RGS13: variants seen among roughly 807,000 people sequenced by gnomAD.
RGS13 encodes the protein regulator of G protein signaling 13.
In RGS13, 14 loss-of-function variants were observed where a neutral mutation model predicts 19.9. That is an observed-to-expected ratio of 0.70 (90% CI 0.46 to 1.10). The LOEUF (loss-of-function observed/expected upper bound fraction) is 1.10, where lower values mean the gene tolerates loss of function less well. Ranked by LOEUF, RGS13 falls within the 50% of genes least tolerant of loss-of-function variation. The probability of loss-of-function intolerance (pLI) is 0.00; values close to 1 mark genes in which losing one functional copy is unlikely to be tolerated. For synonymous variants in RGS13, 60 were observed against 56.8 expected, an observed-to-expected ratio of 1.06 and a Z score of -0.25; for missense variants, 205 against 187.1, an observed-to-expected ratio of 1.10 and a Z score of -0.56.
At chr1:192,642,481 C>T (rs1663142126) in intron 3 of RGS13, among the ~76,000 whole-genome samples, 2 of 151,836 alleles carry the variant, frequency 1.3e-5, no homozygotes, top group Non-Finnish European at 2.9e-5. Flanking sequence ...ACCACTATGC[C>T]CAGCTAATTT....
chr1:192,655,394 A>G (rs1033323909), intron 5 of RGS13, among the ~76,000 whole-genome samples: 2 of 152,088 alleles, frequency 1.3e-5, no homozygotes, highest in South Asian at 2.1e-4. Context: ...CTTTTTCATG[A>G]TACACAACAG....
rs1381112584 is a variant in RGS13 at position 192,656,733 on chromosome 1, T to C, written c.128-1468T>C. Among the ~76,000 whole-genome samples, 12 of 152,152 alleles carry C rather than the reference T, an allele frequency of 7.9e-5. No homozygotes were observed. In the East Asian group the frequency reaches 1.7e-3, roughly 22 times the overall value. ...TAATAGTCCATGTTTCAATTTTGAG[T>C]ATTCCTAGGATGCAATATTTACATT... On this transcript the variant is annotated intron_variant, in intron 5 of 6. Coordinates refer to ENST00000391995, the MANE Select transcript of RGS13 (RefSeq NM_002927.5).
intron 1 of RGS13, among the ~76,000 whole-genome samples, chr1:192,636,826 A>G (rs971216168): frequency 2.0e-5 from 3 of 151,930 alleles, no homozygotes; most frequent in Admixed American, 6.6e-5. Context: ...CTTAAGCACA[A>G]CTATGCACAA....
At chr1:192,647,868 T>A in intron 4 of RGS13, 58 bp from the exon 5 acceptor site, 2 of 1,144,550 alleles carry the variant, frequency 1.7e-6, no homozygotes, top group Non-Finnish European at 2.5e-6. Context: ...TTTTACTTAG[T>A]TCAACAAAAA....
intron 3 of RGS13, among the ~76,000 whole-genome samples, chr1:192,642,731 C>T (rs916995059): frequency 6.6e-6 from 1 of 152,136 alleles, no homozygotes; most frequent in Admixed American, 6.6e-5. Flanking sequence ...CTGCTGGTTC[C>T]AGCTCAGATG....
At position 192,659,089 on chromosome 1, in the gene RGS13, G is replaced by A. The variant is rs1466427485; in HGVS notation, c.295-249G>A. ...ATCTTCCTGAGTAAGCCATGGTTTT[G>A]GAAACTTCCCTGGCCTTGAGCCTCA... On this transcript the variant is annotated intron_variant, in intron 6 of 6. Transcript: ENST00000391995. 6 of 309,736 alleles carry A rather than the reference G, an allele frequency of 1.9e-5. 1 individual carries two copies. Among genetic ancestry groups the A allele is most frequent in the Non-Finnish European group, 2.9e-5 (5 of 172,042 alleles). 19.2% of individuals were successfully genotyped at this position (309,736 alleles called of 1,614,324 possible). A position where few individuals can be genotyped will look rare whatever the true frequency, so the allele number is the denominator to read the frequency against.
chr1:192,641,288 A>T (rs1186984770), intron 3 of RGS13, among the ~76,000 whole-genome samples: 1 of 120,006 alleles, frequency 8.3e-6, no homozygotes, highest in African/African-American at 2.5e-5. Flanking sequence ...GAAAGAAAGA[A>T]AGAAAGAAAG....
chr1:192,659,369 T>C lies in RGS13; in HGVS notation c.326T>C (p.Ile109Thr), dbSNP rs770461393. 2.0e-5 allele frequency: 33 copies of C among 1,612,658 alleles called. No individual in the cohort carries two copies. The highest frequency in any genetic ancestry group is 2.7e-5 in the Non-Finnish European group (32 of 1,179,356). Residue 109 changes from isoleucine (I) to threonine (T), a missense_variant, in exon 7 of 7, where the codon ATC (isoleucine) becomes ACC (threonine). Transcript: ENST00000391995. ...INIDSSTRETIIRNIQEPTET... is the reference protein window; with the variant it reads ...INIDSSTRETTIRNIQEPTET... ...ATTGACAGTTCGACAAGAGAGACTA[T>C]CATCAGGAACATTCAGGAACCCACT...
At chr1:192,657,870 G>A (rs575054427) in intron 5 of RGS13, among the ~76,000 whole-genome samples, 27 of 152,040 alleles carry the variant, frequency 1.8e-4, no homozygotes, top group Non-Finnish European at 2.6e-4. Flanking sequence ...TAGAGCCCCC[G>A]TCCTCCTGAG....
intron 3 of RGS13, among the ~76,000 whole-genome samples, chr1:192,641,266 G>GAAAAGAAAGA (rs755685922): frequency 1.1e-5 from 1 of 92,060 alleles, no homozygotes; most frequent in African/African-American, 3.3e-5. Flanking sequence ...AAGAAAGAAA[G>GAAAAGAAAGA]AAAGAAAGAA....
rs552492708 is a variant in RGS13, at chr1:192,657,517, G to A, written c.128-684G>A. 3.9e-5 allele frequency among the ~76,000 whole-genome samples: 6 copies of A among 152,128 alleles called. No individual in the cohort carries two copies. In the East Asian group the frequency reaches 5.8e-4, roughly 15 times the overall value. ...TCAGAGTTGAAGATAAGAATCTCCG[G>A]CATCAAGTGTTATGTGATGGTTACG... On this transcript the variant is annotated intron_variant, in intron 5 of 6. Transcript: ENST00000391995.
Position 192,644,390 on chromosome 1 carries a change from C to A in RGS13, c.56C>A (p.Pro19His). The A allele has an allele frequency of 6.2e-7, 1 of 1,609,262 alleles. No homozygotes were observed. The highest frequency in any genetic ancestry group is 8.5e-7 in the Non-Finnish European group (1 of 1,176,778). Residue 19 changes from proline to histidine, a missense_variant, in exon 4 of 7, where the codon CCC (proline) becomes CAC (histidine). By Grantham distance (77) the Pro-to-His change is moderately conservative. Coordinates refer to ENST00000391995, the MANE Select transcript of RGS13 (RefSeq NM_002927.5). ...ATGTGCAGAGATGAATCTAAGAGGC[C>A]CCCTTCAAAGTAAGTAGCATTTAAG... is the stretch of plus-strand genomic sequence containing the variant. Reference protein sequence around the residue: ...CKMCRDESKRPPSNLTLEEVL... With the variant: ...CKMCRDESKRHPSNLTLEEVL...
At chr1:192,641,216 GAAAGAGAGAA>G (rs1487995790) in intron 3 of RGS13, among the ~76,000 whole-genome samples, 14,292 of 85,114 alleles carry the variant, frequency 0.17, 1,184 homozygotes, top group Non-Finnish European at 0.21. Flanking sequence ...AAGAAAGAAA[GAAAGAGAGAA>G]AGAAAGAAAG....
At chr1:192,653,478 T>G (rs749367182) in intron 5 of RGS13, among the ~76,000 whole-genome samples, 7 of 152,060 alleles carry the variant, frequency 4.6e-5, no homozygotes, top group Non-Finnish European at 8.8e-5. Context: ...TTAAATCAAT[T>G]ATTTTCCCTA....
At chr1:192,641,203 GGAAA>G (rs146449985) in intron 3 of RGS13, among the ~76,000 whole-genome samples, 272 of 96,024 alleles carry the variant, frequency 2.8e-3, no homozygotes, top group African/African-American at 0.01. Flanking sequence ...AAAGAAAAAA[GGAAA>G]GAAAGAAAGA....
At chr1:192,640,122 G>A (rs1392069196) in intron 3 of RGS13, among the ~76,000 whole-genome samples, 1 of 152,066 alleles carries the variant, frequency 6.6e-6, no homozygotes, top group African/African-American at 2.4e-5. Flanking sequence ...GTACAAGATA[G>A]GGAAGACTAA....
At chr1:192,638,748 A>G (rs1663055547) in intron 3 of RGS13, among the ~76,000 whole-genome samples, 1 of 151,896 alleles carries the variant, frequency 6.6e-6, no homozygotes, top group Non-Finnish European at 1.5e-5. Context: ...GGGTCTATTT[A>G]TTCTATGCAT....
At chr1:192,644,261 T>C in intron 3 of RGS13, 70 bp from the exon 4 acceptor site, 1 of 1,137,486 alleles carries the variant, frequency 8.8e-7, no homozygotes, top group Non-Finnish European at 1.3e-6. Context: ...GTATGTTCCT[T>C]AGAAACTGAC....
intron 3 of RGS13, among the ~76,000 whole-genome samples, chr1:192,638,932 C>A (rs541197807): frequency 1.8e-4 from 28 of 151,896 alleles, no homozygotes; most frequent in Admixed American, 1.8e-3. Flanking sequence ...AAATAACATT[C>A]GAATGTAACA....
Sources: gnomAD v4.1 joint callset for allele counts (sites outside exome capture counted in the v4.1 genomes callset) on GRCh38, gnomAD v4.1.1 for gene constraint, MANE v1.5 for transcripts, NCBI Gene and HGNC (gene_info 2026-07-23, HGNC 2026-07-21) for gene names.